Variants in LGSN observed in about 807,000 individuals in gnomAD.
LGSN encodes the protein lengsin, lens protein with glutamine synthetase domain.
Under a neutral mutation model 19.5 loss-of-function variants are expected in LGSN, and 21 were observed. The observed-to-expected ratio is 1.07, with a 90% confidence interval of 0.76 to 1.55. The LOEUF is 1.55. LGSN is among the 40% of genes most tolerant of loss of function. LGSN has a pLI of 0.00. For missense variants in LGSN, 673 were observed against 608.5 expected (o/e 1.11, Z -1.12); for synonymous variants, 257 against 215.6 (o/e 1.19, Z -1.68).
chr6:63,432,314 A>G, the LGSN span, among the ~76,000 whole-genome samples: 1 of 152,202 alleles, frequency 6.6e-6, no homozygotes, highest in Non-Finnish European at 1.5e-5. Context: ...TGCAATTTCC[A>G]ATTTCCATGC....
the LGSN span, among the ~76,000 whole-genome samples, chr6:63,383,807 A>C: frequency 6.6e-6 from 1 of 152,198 alleles, no homozygotes; most frequent in Non-Finnish European, 1.5e-5. Context: ...CCATTTTACA[A>C]ATAAAGATCA....
At chr6:63,288,520 A>G (rs554096226) in intron 2 of LGSN, among the ~76,000 whole-genome samples, 2 of 152,096 alleles carry the variant, frequency 1.3e-5, no homozygotes, top group Admixed American at 1.3e-4. Flanking sequence ...TGATCACAAC[A>G]TGGACAGCTC....
the LGSN span, among the ~76,000 whole-genome samples, chr6:63,495,348 T>G: frequency 6.6e-6 from 1 of 151,912 alleles, no homozygotes; most frequent in Non-Finnish European, 1.5e-5. Flanking sequence ...AGTTAGCAAG[T>G]AGCAGAGAAG....
the LGSN span, among the ~76,000 whole-genome samples, chr6:63,415,253 G>A: frequency 6.6e-6 from 1 of 152,128 alleles, no homozygotes. Context: ...CCCTTGAGGC[G>A]GAGTTTGCGG....
At chr6:63,332,232 T>G in the LGSN span, among the ~76,000 whole-genome samples, 3 of 152,128 alleles carry the variant, frequency 2.0e-5, no homozygotes, top group Non-Finnish European at 4.4e-5. Flanking sequence ...GTCCTGGAAT[T>G]TATATTAGAA....
chr6:63,354,762 AAT>A, the LGSN span, among the ~76,000 whole-genome samples: 2 of 152,218 alleles, frequency 1.3e-5, no homozygotes, highest in Non-Finnish European at 2.9e-5. Flanking sequence ...GATTAAAGAA[AAT>A]ATGATACATA....
the LGSN span, among the ~76,000 whole-genome samples, chr6:63,430,032 A>T: frequency 1.3e-5 from 2 of 152,196 alleles, no homozygotes; most frequent in African/African-American, 4.8e-5. Flanking sequence ...TTCTCCCTAC[A>T]TCTTATTGAT....
chr6:63,318,987 A>T (rs1405718080), intron 1 of LGSN, among the ~76,000 whole-genome samples: 2 of 152,206 alleles, frequency 1.3e-5, no homozygotes, highest in Non-Finnish European at 2.9e-5. Context: ...TACAACAGTG[A>T]CATGACAGTA....
the LGSN span, among the ~76,000 whole-genome samples, chr6:63,363,819 G>A: frequency 1.3e-5 from 2 of 152,112 alleles, no homozygotes; most frequent in African/African-American, 4.8e-5. Flanking sequence ...AGCAAAGCAG[G>A]CCAAATTCAA....
the LGSN span, among the ~76,000 whole-genome samples, chr6:63,566,951 A>G: frequency 6.6e-6 from 1 of 152,224 alleles, no homozygotes; most frequent in Non-Finnish European, 1.5e-5. Flanking sequence ...ATTCTATCTC[A>G]AGAAACCACT....
intron 1 of LGSN, among the ~76,000 whole-genome samples, chr6:63,301,714 A>G (rs1016249388): frequency 3.3e-5 from 5 of 152,214 alleles, no homozygotes; most frequent in African/African-American, 9.6e-5. Flanking sequence ...TAGTATTAAT[A>G]AGAGTGAAAG....
At chr6:63,386,427 CTTGT>C in the LGSN span, among the ~76,000 whole-genome samples, 19 of 151,938 alleles carry the variant, frequency 1.3e-4, no homozygotes, top group African/African-American at 3.6e-4. Context: ...TTATTGCTTA[CTTGT>C]TTGTTTGTTT....
the LGSN span, among the ~76,000 whole-genome samples, chr6:63,386,565 A>G: frequency 6.6e-6 from 1 of 152,208 alleles, no homozygotes; most frequent in Non-Finnish European, 1.5e-5. Flanking sequence ...ATTCCTAGTC[A>G]TAACCAGTTA....
At chr6:63,305,497 T>G (rs1377723643) in intron 1 of LGSN, among the ~76,000 whole-genome samples, 2 of 152,200 alleles carry the variant, frequency 1.3e-5, no homozygotes, top group African/African-American at 4.8e-5. Context: ...CTGTACCAAT[T>G]AGAATTTCAG....
At chr6:63,301,377 G>A (rs1404752373) in intron 1 of LGSN, among the ~76,000 whole-genome samples, 1 of 152,058 alleles carries the variant, frequency 6.6e-6, no homozygotes, top group East Asian at 1.9e-4. Flanking sequence ...AAATTAAAAT[G>A]TGTATTTGTT....
chr6:63,320,943 T>C (rs1246998891), upstream of LGSN, among the ~76,000 whole-genome samples: 2 of 152,286 alleles, frequency 1.3e-5, no homozygotes, highest in Middle Eastern at 3.4e-3. Context: ...TTCCATTCCA[T>C]TGGTACTTGT....
the LGSN span, among the ~76,000 whole-genome samples, chr6:63,471,664 C>CAAAA: frequency 6.5e-5 from 8 of 123,492 alleles, no homozygotes; most frequent in African/African-American, 2.3e-4. Flanking sequence ...AAGACTCTGT[C>CAAAA]AAAAAAAAAA....
the LGSN span, chr6:63,549,132 C>G: frequency 1.5e-6 from 1 of 687,414 alleles, no homozygotes; most frequent in Non-Finnish European, 2.6e-6. Flanking sequence ...GGGGATGCCC[C>G]CTTTGCCAGC....
the LGSN span, among the ~76,000 whole-genome samples, chr6:63,536,403 G>A: frequency 1.0e-3 from 154 of 152,280 alleles, 1 homozygote; most frequent in Non-Finnish European, 2.1e-3. Flanking sequence ...TTATCCCTCT[G>A]CTTTACTGGT....
Sources: gnomAD v4.1 joint callset for allele counts (sites outside exome capture counted in the v4.1 genomes callset) on GRCh38, gnomAD v4.1.1 for gene constraint, MANE v1.5 for transcripts, NCBI Gene and HGNC (gene_info 2026-07-23, HGNC 2026-07-21) for gene names.